The following RHOG variants were observed in gnomAD, a reference collection of about 807,000 sequenced individuals.
RHOG encodes the protein rho-related GTP-binding protein RhoG.
A neutral mutation model predicts 12.3 loss-of-function variants in RHOG; 1 was observed. That is an observed-to-expected ratio of 0.08 (90% CI 0.03 to 0.39). RHOG has a LOEUF of 0.39. Among genes scored for constraint, RHOG ranks in the 10% least tolerant of loss-of-function variants. The pLI is 0.99. For missense variants in RHOG, 114 were observed against 266.2 expected, an observed-to-expected ratio of 0.43 and a Z score of 3.98; for synonymous variants, 129 against 116.0, an observed-to-expected ratio of 1.11 and a Z score of -0.72.
chr11:3,828,354 A>T, intron 1 of RHOG, 148 bp from the exon 2 acceptor site: 1 of 586,478 alleles, frequency 1.7e-6, no homozygotes, highest in South Asian at 2.1e-5. Flanking sequence ...TCAGAAAGAC[A>T]CACAATGAAA....
intron 1 of RHOG, among the ~76,000 whole-genome samples, chr11:3,828,622 ATT>A (rs755612599): frequency 1.4e-4 from 17 of 125,724 alleles, no homozygotes; most frequent in South Asian, 2.4e-4. Flanking sequence ...AGTATTAGCT[ATT>A]TTTTTTTTTT....
intron 1 of RHOG, among the ~76,000 whole-genome samples, chr11:3,834,575 C>T (rs2090146714): frequency 6.6e-6 from 1 of 152,224 alleles, no homozygotes; most frequent in Non-Finnish European, 1.5e-5. Flanking sequence ...TTCCCAGTAC[C>T]AGGCTGACCT....
rs183405615 is a variant in RHOG at position 3,839,589 on chromosome 11, G to A, written c.-69+1305C>T. ...TGTAGATACACAGACACGCGCGTGCGAACACACACGCAAACACACACACAC... is the reference window on the plus strand; with the variant it reads ...TGTAGATACACAGACACGCGCGTGCAAACACACACGCAAACACACACACAC... On this transcript the variant is annotated intron_variant, in intron 1 of 1. Coordinates refer to ENST00000351018, the MANE Select transcript of RHOG (RefSeq NM_001665.4). Among the ~76,000 whole-genome samples the A allele has an allele frequency of 1.9e-3, 217 of 111,884 alleles. 1 individual carries two copies. The highest frequency in any genetic ancestry group is 3.2e-3 in the Non-Finnish European group (170 of 52,426). 73.4% of individuals were successfully genotyped at this position (111,884 alleles called of 152,430 possible).
At chr11:3,831,470 T>C (rs945057153) in intron 1 of RHOG, among the ~76,000 whole-genome samples, 5 of 152,128 alleles carry the variant, frequency 3.3e-5, no homozygotes, top group Non-Finnish European at 7.3e-5. Flanking sequence ...GACATTCAGA[T>C]AGAGACCCTC....
At position 3,827,624 on chromosome 11, in the gene RHOG, G is replaced by A; in HGVS notation, c.515C>T (p.Ala172Val). The stretch of plus-strand genomic sequence containing the variant: ...CGTGGGGTTGAGCACAGCCCGGACA[G>A]CCTCGGCGAACACTTCCTTGACACC... ...QDGVKEVFAEAVRAVLNPTPI... is the reference protein window; with the variant it reads ...QDGVKEVFAEVVRAVLNPTPI... Residue 172 changes from alanine (A) to valine (V), a missense_variant, in exon 2 of 2, where the codon GCT (alanine) becomes GTT (valine). Physicochemically the swap from Ala to Val is moderately conservative, Grantham distance 64. Around this residue, in one of 2 missense-constraint regions of RHOG, gnomAD observed 61 missense variants for 101.4 expected, o/e 0.60. Coordinates refer to ENST00000351018, the MANE Select transcript of RHOG (RefSeq NM_001665.4). This position sits in a 1 kb window ranked among gnomAD's most constrained non-coding sequence, Gnocchi z 7.3. 6.2e-7 allele frequency: 1 copy of A among 1,613,112 alleles called. No individual in the cohort carries two copies. The highest frequency in any genetic ancestry group is 8.5e-7 in the Non-Finnish European group (1 of 1,180,034).
chr11:3,834,120 A>G (rs926748758), intron 1 of RHOG, among the ~76,000 whole-genome samples: 1 of 152,090 alleles, frequency 6.6e-6, no homozygotes, highest in African/African-American at 2.4e-5. Context: ...ACAGGATTTC[A>G]TCATGTTGGC....
At chr11:3,840,131 G>T (rs921057194) in intron 1 of RHOG, among the ~76,000 whole-genome samples, 1 of 152,160 alleles carries the variant, frequency 6.6e-6, no homozygotes, top group African/African-American at 2.4e-5. Context: ...ACAAAAACTT[G>T]TCAGGGACTA....
intron 1 of RHOG, chr11:3,837,972 G>A (rs949772931): frequency 4.6e-5 from 7 of 152,360 alleles, no homozygotes; most frequent in African/African-American, 1.4e-4. Flanking sequence ...CCCCCCATAT[G>A]AGATGAGGAC....
Position 3,828,056 on chromosome 11 carries a change from A to T in RHOG, c.83T>A (p.Phe28Tyr). ...CACGGTGGGGATGTACTCTTTGGGG[A>T]AAGCGTTAGTTGTGTAGCAGATGAG... ...CLLICYTTNA[F>Y]PKEYIPTVFD... is the part of the protein sequence containing the mutation. Residue 28 changes from phenylalanine to tyrosine, a missense_variant, in exon 2 of 2, where the codon TTC becomes TAC. By Grantham distance (22) the Phe-to-Tyr change is conservative. Around this residue, in one of 2 missense-constraint regions of RHOG, gnomAD observed 53 missense variants for 164.8 expected, o/e 0.32. Coordinates refer to ENST00000351018, the MANE Select transcript of RHOG (RefSeq NM_001665.4). 6.2e-7 allele frequency: 1 copy of T among 1,614,236 alleles called. No individual in the cohort carries two copies. The highest frequency in any genetic ancestry group is 8.5e-7 in the Non-Finnish European group (1 of 1,180,048).
intron 1 of RHOG, among the ~76,000 whole-genome samples, chr11:3,839,949 CGTATG>C (rs1161601259): frequency 2.0e-5 from 3 of 151,792 alleles, no homozygotes; most frequent in East Asian, 3.9e-4. Context: ...TAGGTATGAC[CGTATG>C]TTTGGAGGAA....
intron 1 of RHOG, 71 bp from the exon 2 acceptor site, chr11:3,828,277 A>G (rs111957211): frequency 6.9e-6 from 5 of 726,100 alleles, no homozygotes; most frequent in African/African-American, 5.3e-5. Flanking sequence ...AGATGGGGGC[A>G]CACAAAGGGA....
Position 3,828,175 on chromosome 11 carries a change from T to A in RHOG, c.-37A>T. On this transcript the variant is annotated 5_prime_UTR_variant, in exon 2 of 2. Transcript: ENST00000351018. ...TTGCTGTAGTGGAGGCAGTGCCTCC[T>A]CTCTCTTCTGGACCCCTCTGGCTGC... 2 of 1,549,898 alleles carry A rather than the reference T, an allele frequency of 1.3e-6. No individual in the cohort carries two copies. Among genetic ancestry groups the A allele is most frequent in the South Asian group, 1.1e-5 (1 of 87,806 alleles).
intron 1 of RHOG, 95 bp downstream of exon 1, chr11:3,840,799 C>G (rs1487659423): frequency 6.6e-6 from 1 of 152,432 alleles, no homozygotes; most frequent in Non-Finnish European, 1.5e-5. Flanking sequence ...GCGGCCTCCG[C>G]CAGCAAACTC....
chr11:3,831,952 T>G (rs767083097), intron 1 of RHOG, among the ~76,000 whole-genome samples: 1 of 152,098 alleles, frequency 6.6e-6, no homozygotes, highest in Non-Finnish European at 1.5e-5. Flanking sequence ...GGTTATCAAC[T>G]AGCAATCAGT....
intron 1 of RHOG, among the ~76,000 whole-genome samples, chr11:3,835,870 T>C (rs1370638268): frequency 6.6e-6 from 1 of 151,632 alleles, no homozygotes; most frequent in Non-Finnish European, 1.5e-5. Context: ...AAGGGAGGAA[T>C]AGAGGAGAGG....
At chr11:3,836,988 C>G (rs189039759) in intron 1 of RHOG, among the ~76,000 whole-genome samples, 1 of 151,518 alleles carries the variant, frequency 6.6e-6, no homozygotes, top group South Asian at 2.1e-4. Flanking sequence ...GCTGCCCCCT[C>G]CCCCACGCAG....
intron 1 of RHOG, among the ~76,000 whole-genome samples, chr11:3,835,734 A>G (rs187576600): frequency 2.4e-3 from 361 of 152,324 alleles, no homozygotes; most frequent in Non-Finnish European, 4.1e-3. Flanking sequence ...ATGGGAAGGA[A>G]AAGTGGTCCC....
intron 1 of RHOG, among the ~76,000 whole-genome samples, chr11:3,836,357 C>CAAAAAAAA (rs61427960): frequency 6.7e-5 from 8 of 119,570 alleles, no homozygotes; most frequent in African/African-American, 1.5e-4. Flanking sequence ...ACTCCATCTC[C>CAAAAAAAA]AAAAAAAAAA....
chr11:3,835,802 A>G (rs1181710991), intron 1 of RHOG, among the ~76,000 whole-genome samples: 1 of 152,192 alleles, frequency 6.6e-6, no homozygotes, highest in Non-Finnish European at 1.5e-5. Flanking sequence ...GGCAAGGGAC[A>G]GGGGCACTGT....
Sources: gnomAD v4.1 joint callset for allele counts (sites outside exome capture counted in the v4.1 genomes callset) on GRCh38, gnomAD v4.1.1 for gene constraint, gnomAD v4.1.1 regional missense constraint, Gnocchi (gnomAD v3.1) non-coding constraint, MANE v1.5 for transcripts, NCBI Gene and HGNC (gene_info 2026-07-23, HGNC 2026-07-21) for gene names.